KLC1: variants seen among roughly 807,000 people sequenced by gnomAD.
The protein encoded by KLC1 is kinesin light chain 1, also known as kinesin 2 60/70kDa.
Under a neutral mutation model 84.2 loss-of-function variants are expected in KLC1, and 30 were observed. The ratio of observed to expected loss-of-function variants is 0.36; its 90% CI spans 0.27 to 0.48. The LOEUF (loss-of-function observed/expected upper bound fraction) is 0.48. KLC1 is among the 20% of genes least tolerant of loss of function. KLC1 has a pLI of 0.99. For missense variants in KLC1, 499 were observed against 805.4 expected (o/e 0.62, Z 4.60); for synonymous variants, 289 against 293.3 (o/e 0.99, Z 0.15).
At position 103,654,995 on chromosome 14, in the gene KLC1, G is replaced by A. The variant is rs2151494174; in HGVS notation, c.261+170G>A. On this transcript the variant is annotated intron_variant, in intron 2 of 16. Coordinates refer to ENST00000334553, the MANE Select transcript of KLC1 (RefSeq NM_001394837.1). ...TAATCCAAGCACTTTGGGAGGCTGA[G>A]GCAGGTGGATCACTTGAGGTCAGGA... Among the ~76,000 whole-genome samples, 3 of 152,292 alleles carry A rather than the reference G, an allele frequency of 2.0e-5. No individual in the cohort carries two copies. The South Asian group carries it at 6.2e-4, about 32-fold the overall frequency.
At chr14:103,645,700 T>C (rs1326661519) in intron 1 of KLC1, among the ~76,000 whole-genome samples, 6 of 152,026 alleles carry the variant, frequency 3.9e-5, no homozygotes, top group African/African-American at 1.2e-4. Flanking sequence ...CAGTGGTAAA[T>C]ATTTGTGCAA....
intron 14 of KLC1, 77 bp from the exon 15 acceptor site, chr14:103,692,282 G>A: frequency 7.3e-7 from 1 of 1,360,902 alleles, no homozygotes; most frequent in Non-Finnish European, 1.0e-6. Flanking sequence ...GTTGGAGGGG[G>A]CTTTGCTTGT....
Position 103,692,347 on chromosome 14 carries a change from T to G in KLC1, c.1782-12T>G. ...GATCGTTTGTCCTTGCATGTCCGTG[T>G]CCGGGTTGCAGCATGAAGCGTGCCA... On this transcript the variant is annotated splice_polypyrimidine_tract_variant and intron_variant, in intron 14 of 16. Transcript: ENST00000334553. 1 of 1,536,548 alleles carries G rather than the reference T, an allele frequency of 6.5e-7. No homozygotes were observed. Among genetic ancestry groups the G allele is most frequent in the Non-Finnish European group, 8.7e-7 (1 of 1,146,930 alleles).
intron 15 of KLC1, chr14:103,696,865 C>T: frequency 3.2e-6 from 3 of 928,520 alleles, no homozygotes; most frequent in Non-Finnish European, 3.7e-6. Context: ...TGGTGCCTCC[C>T]TAAGGGGATG....
At chr14:103,680,458 A>G (rs1173393732) in intron 13 of KLC1, among the ~76,000 whole-genome samples, 1 of 152,152 alleles carries the variant, frequency 6.6e-6, no homozygotes, top group Non-Finnish European at 1.5e-5. Context: ...GCTTTCTTAC[A>G]ATGTAAATCC....
chr14:103,649,707 T>A (rs895386495), intron 1 of KLC1, among the ~76,000 whole-genome samples: 1 of 151,656 alleles, frequency 6.6e-6, no homozygotes, highest in Non-Finnish European at 1.5e-5. Context: ...TGTTTTTTTT[T>A]TTTTTCGAGA....
Position 103,657,529 on chromosome 14 carries a change from C to T in KLC1, c.262-17C>T, listed in dbSNP as rs777850351. On this transcript the variant is annotated splice_polypyrimidine_tract_variant and intron_variant, in intron 2 of 16. Coordinates refer to ENST00000334553, the MANE Select transcript of KLC1 (RefSeq NM_001394837.1). ...GGACAACGTGCCACAGTGCTGCACACGTTTCTGTCTGCTCAGGTTATGATG... is the reference window on the plus strand; with the variant it reads ...GGACAACGTGCCACAGTGCTGCACATGTTTCTGTCTGCTCAGGTTATGATG... The T allele has an allele frequency of 1.4e-5, 23 of 1,605,536 alleles. No homozygotes were observed. The highest frequency in any genetic ancestry group is 8.3e-5 in the Admixed American group (5 of 59,930).
chr14:103,629,861 G>T (rs2076540111), intron 1 of KLC1, among the ~76,000 whole-genome samples: 1 of 151,988 alleles, frequency 6.6e-6, no homozygotes, highest in Non-Finnish European at 1.5e-5. Flanking sequence ...GGCGGCGGCC[G>T]TTCCCGGGGA....
chr14:103,674,811 TC>T (rs2080741970), intron 9 of KLC1, among the ~76,000 whole-genome samples: 2 of 152,230 alleles, frequency 1.3e-5, no homozygotes, highest in Admixed American at 1.3e-4. Context: ...TTCTGAATAC[TC>T]CCTTGTGCTA....
rs1005143126 is a variant in KLC1 at position 103,629,271 on chromosome 14, C to G, written c.-225C>G. ...GGGACTGGCTGGGTCGGCTGGGCTG[C>G]TGGTGCGAGGAGCCGCGGGGCTGTG... On this transcript the variant is annotated 5_prime_UTR_variant, in exon 1 of 17. Coordinates refer to ENST00000334553, the MANE Select transcript of KLC1 (RefSeq NM_001394837.1). The G allele has an allele frequency of 6.5e-6, 1 of 152,952 alleles. No homozygotes were observed. Among genetic ancestry groups the G allele is most frequent in the Non-Finnish European group, 1.5e-5 (1 of 68,736 alleles). 9.5% of individuals were successfully genotyped at this position (152,952 alleles called of 1,614,324 possible). A position where few individuals can be genotyped will look rare whatever the true frequency, so the allele number is the denominator to read the frequency against.
chr14:103,671,274 A>G (rs890098165), intron 7 of KLC1, among the ~76,000 whole-genome samples: 3 of 152,198 alleles, frequency 2.0e-5, no homozygotes, highest in Non-Finnish European at 4.4e-5. Flanking sequence ...ATTAAAAAAT[A>G]TAACAACTTG....
In KLC1 at chr14:103,662,292, G is replaced by A. The variant is rs983785758; in HGVS notation, c.571+98G>A. The A allele has an allele frequency of 2.0e-5, 20 of 983,534 alleles. No individual in the cohort carries two copies. In the East Asian group the frequency reaches 4.5e-4, roughly 22 times the overall value. 60.9% of individuals were successfully genotyped at this position (983,534 alleles called of 1,614,324 possible). Reference sequence around the variant, plus strand: ...AATCAGTGGCAGCCTTAGTGCATGCGGCCTGCCTGGAGGAAGCACCACCAG... The same window carrying A: ...AATCAGTGGCAGCCTTAGTGCATGCAGCCTGCCTGGAGGAAGCACCACCAG... On this transcript the variant is annotated intron_variant, in intron 4 of 16. Transcript: ENST00000334553.
intron 1 of KLC1, among the ~76,000 whole-genome samples, chr14:103,639,192 T>A (rs552785906): frequency 2.0e-5 from 3 of 152,196 alleles, no homozygotes; most frequent in African/African-American, 7.2e-5. Flanking sequence ...AGATGGAGTC[T>A]TGCTCTGTTG....
intron 1 of KLC1, among the ~76,000 whole-genome samples, chr14:103,651,136 A>G (rs1035044642): frequency 6.6e-6 from 1 of 151,752 alleles, no homozygotes; most frequent in Non-Finnish European, 1.5e-5. Flanking sequence ...CAGCCTCCAT[A>G]ATAGCTGGGA....
At chr14:103,631,340 A>C (rs2076671724) in intron 1 of KLC1, among the ~76,000 whole-genome samples, 1 of 152,274 alleles carries the variant, frequency 6.6e-6, no homozygotes, top group Admixed American at 6.5e-5. Flanking sequence ...TCGGCCTCCC[A>C]AAGTGCTGGG....
chr14:103,657,785 C>T lies in KLC1; in HGVS notation c.492+9C>T, dbSNP rs375212072. The T allele has an allele frequency of 9.4e-6, 15 of 1,592,264 alleles. No homozygotes were observed. The highest frequency in any genetic ancestry group is 1.3e-5 in the Non-Finnish European group (15 of 1,161,658). On this transcript the variant is annotated intron_variant, in intron 3 of 16. Coordinates refer to ENST00000334553, the MANE Select transcript of KLC1 (RefSeq NM_001394837.1). ...ACGACATTTCCCCATCCGTGAGTGGCTCTGTAGCAAATGTGGTGCTAATGT... is the reference window on the plus strand; with the variant it reads ...ACGACATTTCCCCATCCGTGAGTGGTTCTGTAGCAAATGTGGTGCTAATGT...
intron 13 of KLC1, among the ~76,000 whole-genome samples, chr14:103,681,223 T>C (rs1567035114): frequency 6.6e-6 from 1 of 152,196 alleles, no homozygotes; most frequent in Non-Finnish European, 1.5e-5. Flanking sequence ...ACGGGTGATC[T>C]ACCAAAACAG....
rs1271880363 is a variant in KLC1, at chr14:103,693,719, C to T, written c.1848+1294C>T. On this transcript the variant is annotated intron_variant, in intron 15 of 16. Transcript: ENST00000334553. This position sits in a 1 kb window ranked among gnomAD's most constrained non-coding sequence, Gnocchi z 5.1. The stretch of plus-strand genomic sequence containing the variant: ...CGGAGGCGCCAGCCGCACTCCTTGG[C>T]TTCCTTTCCTAGATAGTGACGTCCA... 2.7e-6 allele frequency: 4 copies of T among 1,486,794 alleles called. No individual in the cohort carries two copies. The highest frequency in any genetic ancestry group is 2.3e-5 in the Admixed American group (1 of 43,058). 92.1% of individuals were successfully genotyped at this position (1,486,794 alleles called of 1,614,324 possible). A position where few individuals can be genotyped will look rare whatever the true frequency, so the allele number is the denominator to read the frequency against.
intron 3 of KLC1, among the ~76,000 whole-genome samples, chr14:103,659,766 C>T (rs971759617): frequency 4.6e-5 from 7 of 152,102 alleles, no homozygotes; most frequent in African/African-American, 7.2e-5. Context: ...TCTTCATCTG[C>T]TTGGGCTACT....
Sources: gnomAD v4.1 joint callset for allele counts (sites outside exome capture counted in the v4.1 genomes callset) on GRCh38, gnomAD v4.1.1 for gene constraint, Gnocchi (gnomAD v3.1) non-coding constraint, MANE v1.5 for transcripts, NCBI Gene and HGNC (gene_info 2026-07-23, HGNC 2026-07-21) for gene names.